The following CLDN10 variants were observed in gnomAD, a reference collection of about 807,000 sequenced individuals.
CLDN10 encodes claudin-10.
Under a neutral mutation model 22.9 loss-of-function variants are expected in CLDN10, and 15 were observed. That is an observed-to-expected ratio of 0.65 (90% confidence interval 0.44 to 1.01). The LOEUF (loss-of-function observed/expected upper bound fraction) is 1.01. Among genes scored for constraint, CLDN10 ranks in the 50% least tolerant of loss-of-function variants. The pLI is 0.00. For synonymous variants in CLDN10, 114 were observed against 111.4 expected, an observed-to-expected ratio of 1.02 and a Z score of -0.15; for missense variants, 247 against 287.8, an observed-to-expected ratio of 0.86 and a Z score of 1.03.
At chr13:95,506,117 C>T (rs114286150) in intron 1 of CLDN10, among the ~76,000 whole-genome samples, 2,851 of 152,224 alleles carry the variant, frequency 0.019, 86 homozygotes, top group African/African-American at 0.064. Flanking sequence ...GCTTAATGCC[C>T]CACCTTAGGA....
intron 1 of CLDN10, among the ~76,000 whole-genome samples, chr13:95,475,460 C>T (rs751615475): frequency 1.3e-5 from 2 of 152,224 alleles, no homozygotes; most frequent in African/African-American, 2.4e-5. Flanking sequence ...AGCCAATTCT[C>T]GGAGACAGAG....
At position 95,449,993 on chromosome 13, in the gene CLDN10, C is replaced by T. The variant is rs553804889; in HGVS notation, c.214+15946C>T. Among the ~76,000 whole-genome samples the T allele has an allele frequency of 4.7e-4, 72 of 152,204 alleles. 1 individual carries two copies. The highest frequency in any genetic ancestry group is 5.7e-4 in the Non-Finnish European group (39 of 68,014). Reference sequence around the variant, plus strand: ...CCCCTGACCTTGTGATCCGCCTGCTCGGCCTCCCAAAGTGCTGGGATTACA... The same window carrying T: ...CCCCTGACCTTGTGATCCGCCTGCTTGGCCTCCCAAAGTGCTGGGATTACA... On this transcript the variant is annotated intron_variant, in intron 1 of 4. Coordinates refer to the CLDN10 transcript ENST00000376873.
chr13:95,505,186 A>C (rs1396440820), intron 1 of CLDN10, among the ~76,000 whole-genome samples: 1 of 152,230 alleles, frequency 6.6e-6, no homozygotes, highest in Non-Finnish European at 1.5e-5. Flanking sequence ...CTATGTTGAG[A>C]CTGCAAGTCC....
intron 1 of CLDN10, among the ~76,000 whole-genome samples, chr13:95,490,695 A>G (rs1450465316): frequency 1.3e-5 from 2 of 152,168 alleles, no homozygotes; most frequent in South Asian, 2.1e-4. Flanking sequence ...CACATGGTCT[A>G]TCTTGGAGAA....
Position 95,530,401 on chromosome 13 carries a change from C to T in CLDN10, c.215-29731C>T, listed in dbSNP as rs775282143. Among the ~76,000 whole-genome samples, 67 of 152,274 alleles carry T rather than the reference C, an allele frequency of 4.4e-4. 1 individual carries two copies. The highest frequency in any genetic ancestry group is 8.2e-4 in the Non-Finnish European group (56 of 68,028). On this transcript the variant is annotated intron_variant, in intron 1 of 4. Coordinates refer to the CLDN10 transcript ENST00000376873. ...TTGTAAGCGGTTGGGCAACCCCTAC[C>T]GGAAGGAAACAGGCTATTGAATTAC...
intron 1 of CLDN10, among the ~76,000 whole-genome samples, chr13:95,474,398 T>G (rs752291003): frequency 1.4e-4 from 21 of 152,322 alleles, no homozygotes; most frequent in Non-Finnish European, 2.6e-4. Flanking sequence ...CTCACCTGCC[T>G]GCCACTCACC....
chr13:95,448,128 A>T (rs1256744635), intron 1 of CLDN10, among the ~76,000 whole-genome samples: 3 of 152,056 alleles, frequency 2.0e-5, no homozygotes, highest in East Asian at 1.9e-4. Flanking sequence ...ATGCACACGC[A>T]TACACCAGGC....
At chr13:95,570,845 CACAT>C (rs2043845531) in intron 3 of CLDN10, among the ~76,000 whole-genome samples, 1 of 84,794 alleles carries the variant, frequency 1.2e-5, no homozygotes, top group African/African-American at 4.3e-5. Context: ...CACACACACA[CACAT>C]ATACGTGTGT....
chr13:95,524,859 A>ATTTAT (rs2043263015), intron 1 of CLDN10, among the ~76,000 whole-genome samples: 1 of 110,650 alleles, frequency 9.0e-6, no homozygotes, highest in Non-Finnish European at 2.0e-5. Context: ...TTATTTATTT[A>ATTTAT]TTTTTATTTT....
chr13:95,453,297 C>T (rs1292300045), intron 1 of CLDN10, among the ~76,000 whole-genome samples: 1 of 152,174 alleles, frequency 6.6e-6, no homozygotes, highest in Non-Finnish European at 1.5e-5. Context: ...GTCGGGAGAA[C>T]CCACTATCTT....
chr13:95,464,229 T>C (rs1397872852), intron 1 of CLDN10, among the ~76,000 whole-genome samples: 2 of 152,106 alleles, frequency 1.3e-5, no homozygotes, highest in Non-Finnish European at 2.9e-5. Context: ...ATTAGGTTTA[T>C]CTCCTAATGC....
In CLDN10 at chr13:95,494,920, C is replaced by T. The variant is rs2042911837; in HGVS notation, c.214+60873C>T. Among the ~76,000 whole-genome samples the T allele has an allele frequency of 2.0e-5, 3 of 152,084 alleles. No homozygotes were observed. In the South Asian group the frequency reaches 6.2e-4, roughly 32 times the overall value. On this transcript the variant is annotated intron_variant, in intron 1 of 4. Coordinates refer to the CLDN10 transcript ENST00000376873. ...CAATCTCACCTTCTCCCCTCCACCC[C>T]TACTCTTAAAAAACTAACTGCTTGG...
intron 1 of CLDN10, among the ~76,000 whole-genome samples, chr13:95,473,537 A>G (rs1193894272): frequency 6.6e-6 from 1 of 152,224 alleles, no homozygotes; most frequent in African/African-American, 2.4e-5. Context: ...CCTTCAGTCT[A>G]GGCTGAGTAG....
chr13:95,481,661 G>C (rs1270727661), intron 1 of CLDN10, among the ~76,000 whole-genome samples: 1 of 152,182 alleles, frequency 6.6e-6, no homozygotes, highest in Non-Finnish European at 1.5e-5. Flanking sequence ...ACTGAAATTT[G>C]AATTTCAGAT....
intron 1 of CLDN10, among the ~76,000 whole-genome samples, chr13:95,498,438 A>G (rs1355192143): frequency 6.6e-6 from 1 of 152,162 alleles, no homozygotes; most frequent in Non-Finnish European, 1.5e-5. Flanking sequence ...TCTGTTGCCC[A>G]GGCTGGAGTG....
At chr13:95,455,349 A>C (rs1306333137) in intron 1 of CLDN10, among the ~76,000 whole-genome samples, 4 of 152,216 alleles carry the variant, frequency 2.6e-5, no homozygotes, top group Admixed American at 6.5e-5. Context: ...GAGGGTGTTT[A>C]ATGTCTTCTT....
chr13:95,502,886 G>T (rs1467907524), intron 1 of CLDN10, among the ~76,000 whole-genome samples: 1 of 152,198 alleles, frequency 6.6e-6, no homozygotes, highest in Non-Finnish European at 1.5e-5. Flanking sequence ...CAGTAAAAAG[G>T]TCTTCAGCAA....
intron 1 of CLDN10, among the ~76,000 whole-genome samples, chr13:95,448,670 C>T (rs2042404037): frequency 6.6e-6 from 1 of 152,052 alleles, no homozygotes; most frequent in African/African-American, 2.4e-5. Context: ...TATGGGGGCA[C>T]CTAGAAGTGA....
At chr13:95,535,309 TG>T in intron 1 of CLDN10, among the ~76,000 whole-genome samples, 1 of 152,172 alleles carries the variant, frequency 6.6e-6, no homozygotes, top group South Asian at 2.1e-4. Flanking sequence ...GGGTGAGCCC[TG>T]GGGCAGGAAG....
Sources: allele counts gnomAD v4.1 joint callset (sites outside exome capture counted in the v4.1 genomes callset), GRCh38; gene constraint gnomAD v4.1.1; transcripts MANE v1.5; gene names NCBI Gene and HGNC (gene_info 2026-07-23, HGNC 2026-07-21).